GLRX2: variants seen among roughly 807,000 people sequenced by gnomAD.
The protein encoded by GLRX2 is glutaredoxin 2, also known as bA101E13.1 (GRX2 glutaredoxin (thioltransferase) 2).
A neutral mutation model predicts 16.4 loss-of-function variants in GLRX2; 12 were observed. That is an observed-to-expected ratio of 0.73 (90% CI 0.47 to 1.19). GLRX2 has a LOEUF of 1.19. Ranked by LOEUF, GLRX2 falls within the 50% of genes most tolerant of loss-of-function variation. The pLI, the probability that GLRX2 is intolerant of heterozygous loss-of-function variation, is 0.00. For synonymous variants in GLRX2, 95 were observed against 76.2 expected, an observed-to-expected ratio of 1.25 and a Z score of -1.28; for missense variants, 201 against 201.8, an observed-to-expected ratio of 1.00 and a Z score of 0.02.
upstream of GLRX2, chr1:193,105,549 G>C (rs1021340973): frequency 1.3e-6 from 2 of 1,596,400 alleles, no homozygotes; most frequent in Non-Finnish European, 1.7e-6. Flanking sequence ...TCCCAGGGCT[G>C]CCCGAGCGCT....
intron 2 of GLRX2, among the ~76,000 whole-genome samples, chr1:193,099,796 T>C (rs1675036386): frequency 6.6e-6 from 1 of 152,178 alleles, no homozygotes; most frequent in Non-Finnish European, 1.5e-5. Flanking sequence ...TTTTTATGAT[T>C]CCCTTGTGTT....
chr1:193,105,969 A>T, upstream of GLRX2: 1 of 997,798 alleles, frequency 1.0e-6, no homozygotes, highest in Non-Finnish European at 1.2e-6. Context: ...GAAGACAAAG[A>T]TTATTTCCCA....
Position 193,097,594 on chromosome 1 carries a change from C to G in GLRX2, c.350G>C (p.Gly117Ala). The G allele has an allele frequency of 2.5e-6, 4 of 1,606,090 alleles. No homozygotes were observed. Among genetic ancestry groups the G allele is most frequent in the Non-Finnish European group, 3.4e-6 (4 of 1,176,948 alleles). ...QFQDALYKMT[G>A]ERTVPRIFVN... is the part of the protein sequence containing the mutation. Reference sequence around the variant, plus strand: ...AGAGGATATACTCACAGTTCTTTCACCAGTCATTTTGTAAAGAGCATCTTG... The same window carrying G: ...AGAGGATATACTCACAGTTCTTTCAGCAGTCATTTTGTAAAGAGCATCTTG... Residue 117 changes from glycine (G) to alanine (A), a missense_variant, in exon 3 of 4, where the codon GGT (glycine) becomes GCT (alanine). Physicochemically the swap from Gly to Ala is moderately conservative, Grantham distance 60 (BLOSUM62 0). Transcript: ENST00000367439.
chr1:193,097,605 G>T lies in GLRX2; in HGVS notation c.339C>A (p.Tyr113Ter). The T allele has an allele frequency of 1.2e-6, 2 of 1,607,720 alleles. No individual in the cohort carries two copies. Among genetic ancestry groups the T allele is most frequent in the Non-Finnish European group, 1.7e-6 (2 of 1,177,938 alleles). The part of the protein sequence containing the change: ...EYGNQFQDAL[Y>*]KMTGERTVPR... ...TCACAGTTCTTTCACCAGTCATTTT[G>T]TAAAGAGCATCTTGGAACTGGTTTC... The change falls in exon 3 of 4, where the codon TAC (tyrosine) becomes TAA (stop). Residue 113 changes from tyrosine (Y) to a stop codon, truncating the protein, a stop_gained. Coordinates refer to ENST00000367439, the MANE Select transcript of GLRX2 (RefSeq NM_197962.3). LOFTEE classifies it high-confidence loss of function.
upstream of GLRX2, chr1:193,105,553 G>T: frequency 6.3e-7 from 1 of 1,587,080 alleles, no homozygotes; most frequent in Non-Finnish European, 8.6e-7. Flanking sequence ...AGGGCTGCCC[G>T]AGCGCTGGAT....
chr1:193,101,031 C>A, intron 2 of GLRX2, 110 bp downstream of exon 2: 2 of 746,590 alleles, frequency 2.7e-6, no homozygotes, highest in South Asian at 1.5e-5. Context: ...TCTCTTAATT[C>A]ATTTGCTAAA....
chr1:193,099,629 C>G (rs1675033742), intron 2 of GLRX2, among the ~76,000 whole-genome samples: 1 of 152,118 alleles, frequency 6.6e-6, no homozygotes. Flanking sequence ...CTGTGCCCAG[C>G]CTGTCTAGTC....
At chr1:193,097,269 C>A (rs777953550) in intron 3 of GLRX2, among the ~76,000 whole-genome samples, 1 of 152,198 alleles carries the variant, frequency 6.6e-6, no homozygotes, top group African/African-American at 2.4e-5. Flanking sequence ...TGAAGACCAA[C>A]CCCTGTATTG....
chr1:193,105,845 A>G, upstream of GLRX2: 1 of 1,274,924 alleles, frequency 7.8e-7, no homozygotes, highest in Non-Finnish European at 9.9e-7. Context: ...TAAGAGCCTA[A>G]ATATATCCTC....
At chr1:193,105,780 G>C, upstream of GLRX2, 1 of 1,358,580 alleles carries the variant, frequency 7.4e-7, no homozygotes, top group South Asian at 1.8e-5. Context: ...CAGAATCAAA[G>C]TGGTGCCTCA....
At chr1:193,105,430 T>A, upstream of GLRX2, 10 of 1,462,630 alleles carry the variant, frequency 6.8e-6, no homozygotes, top group Non-Finnish European at 8.1e-6. Context: ...ACACCGCGGA[T>A]CCCGGGAGCC....
intron 1 of GLRX2, 95 bp downstream of exon 1, chr1:193,105,169 G>T: frequency 7.0e-7 from 1 of 1,420,774 alleles, no homozygotes; most frequent in South Asian, 1.5e-5. Context: ...CCCACCCGGC[G>T]CCGGGGCAAA....
chr1:193,099,377 G>A lies in GLRX2; in HGVS notation c.184-1617C>T, dbSNP rs535843978. On this transcript the variant is annotated intron_variant, in intron 2 of 3. Coordinates refer to ENST00000367439, the MANE Select transcript of GLRX2 (RefSeq NM_197962.3). ...TTTTTGTTTGAGACAGTCTTACTCT[G>A]TCGTCCAGGCTGGAGTACAAGGGTG... Among the ~76,000 whole-genome samples, 6 of 152,056 alleles carry A rather than the reference G, an allele frequency of 3.9e-5. No individual in the cohort carries two copies. The South Asian group carries it at 1.2e-3, about 32-fold the overall frequency.
chr1:193,096,907 C>T (rs1042180259), intron 3 of GLRX2, 148 bp from the exon 4 acceptor site: 1 of 604,740 alleles, frequency 1.7e-6, no homozygotes, highest in Admixed American at 3.4e-5. Context: ...AAAATCTTTA[C>T]CCTTTAAGGT....
At chr1:193,105,724 C>G, upstream of GLRX2, 1 of 1,453,108 alleles carries the variant, frequency 6.9e-7, no homozygotes. Context: ...AGGATGGTGG[C>G]AGACATGCTG....
In GLRX2 at chr1:193,097,641, C is replaced by G. The variant is rs774191087; in HGVS notation, c.303G>C (p.Leu101=). The stretch of plus-strand genomic sequence containing the variant: ...CTTGGAACTGGTTTCCATATTCAAG[C>G]AGGTCCAGTTCCACCACTTTATAGT... ...NVNYKVVELD[L]LEYGNQFQDA... is the part of the protein sequence containing the mutation. The change falls in exon 3 of 4, where the codon CTG becomes CTC. Residue 101 remains leucine, a synonymous_variant. Transcript: ENST00000367439. 40 of 1,612,492 alleles carry G rather than the reference C, an allele frequency of 2.5e-5. No homozygotes were observed. The highest frequency in any genetic ancestry group is 3.4e-5 in the Non-Finnish European group (40 of 1,179,436).
At chr1:193,105,731 G>A, upstream of GLRX2, 1 of 1,437,352 alleles carries the variant, frequency 7.0e-7, no homozygotes, top group East Asian at 2.7e-5. Context: ...TGGCAGACAT[G>A]CTGGGGAAAC....
upstream of GLRX2, chr1:193,105,875 C>G: frequency 8.5e-7 from 1 of 1,178,630 alleles, no homozygotes; most frequent in South Asian, 3.7e-5. Context: ...GGCAATTGGT[C>G]GAGACCCAAT....
intron 1 of GLRX2, among the ~76,000 whole-genome samples, chr1:193,102,079 G>T (rs1225595027): frequency 6.6e-6 from 1 of 151,790 alleles, no homozygotes; most frequent in Non-Finnish European, 1.5e-5. Flanking sequence ...TCTTACAAGA[G>T]GATTATGACA....
Sources: gnomAD v4.1 joint callset for allele counts (sites outside exome capture counted in the v4.1 genomes callset) on GRCh38, gnomAD v4.1.1 for gene constraint, MANE v1.5 for transcripts, NCBI Gene and HGNC (gene_info 2026-07-23, HGNC 2026-07-21) for gene names.